The following SND1 variants were observed in gnomAD, a reference collection of about 807,000 sequenced individuals.
SND1 encodes staphylococcal nuclease domain-containing protein 1.
A neutral mutation model predicts 121.7 loss-of-function variants in SND1; 38 were observed. The observed-to-expected ratio is 0.31, with a 90% CI of 0.24 to 0.41. The LOEUF (loss-of-function observed/expected upper bound fraction) is 0.41, where lower values mean the gene tolerates loss of function less well. SND1 is among the 10% of genes least tolerant of loss of function. The probability of loss-of-function intolerance (pLI) is 1.00; values close to 1 mark genes in which losing one functional copy is unlikely to be tolerated. For synonymous variants in SND1, 401 were observed against 447.4 expected (o/e 0.90, Z 1.31); for missense variants, 868 against 1,184.6 (o/e 0.73, Z 3.92).
intron 10 of SND1, among the ~76,000 whole-genome samples, chr7:127,759,994 C>T (rs1005664532): frequency 6.6e-6 from 1 of 152,188 alleles, no homozygotes; most frequent in Non-Finnish European, 1.5e-5. Context: ...AGGTGGGCAA[C>T]CTGCTCGACA....
At chr7:127,680,437 C>T (rs550840190) in intron 1 of SND1, among the ~76,000 whole-genome samples, 88 of 152,172 alleles carry the variant, frequency 5.8e-4, no homozygotes, top group Middle Eastern at 3.4e-3. Flanking sequence ...CCTACAGTCT[C>T]GACCGTAGAA....
intron 11 of SND1, among the ~76,000 whole-genome samples, chr7:127,816,222 T>C (rs112156758): frequency 5.5e-4 from 84 of 152,220 alleles, no homozygotes; most frequent in Admixed American, 1.3e-3. Flanking sequence ...TTTTGAAATA[T>C]GACACACCCT....
chr7:127,769,884 G>A (rs750699580), intron 10 of SND1, among the ~76,000 whole-genome samples: 4 of 152,156 alleles, frequency 2.6e-5, no homozygotes, highest in Admixed American at 1.3e-4. Flanking sequence ...AACTCTCAGC[G>A]TGTAATGAAT....
intron 12 of SND1, among the ~76,000 whole-genome samples, chr7:127,857,342 G>A (rs1271259506): frequency 1.0e-4 from 14 of 140,528 alleles, no homozygotes; most frequent in Non-Finnish European, 1.7e-4. Flanking sequence ...ACAGGCGCCC[G>A]CCACCGCCCC....
intron 15 of SND1, among the ~76,000 whole-genome samples, chr7:127,943,326 T>A (rs867684147): frequency 9.2e-5 from 14 of 152,184 alleles, no homozygotes; most frequent in South Asian, 2.1e-4. Context: ...CTCACCTCAA[T>A]CTTCACATTA....
rs1793673699 is a variant in SND1 at position 128,085,483 on chromosome 7, T to C, written c.2235-228T>C. Among the ~76,000 whole-genome samples the C allele has an allele frequency of 6.6e-6, 1 of 152,196 alleles. No homozygotes were observed. Among genetic ancestry groups the C allele is most frequent in the African/African-American group, 2.4e-5 (1 of 41,444 alleles). On this transcript the variant is annotated intron_variant, in intron 19 of 23. Coordinates refer to ENST00000354725, the MANE Select transcript of SND1 (RefSeq NM_014390.4). This position sits in a 1 kb window ranked among gnomAD's most constrained non-coding sequence, Gnocchi z 4.4. ...ATGCCCCAAGGACACATTAATCTGC[T>C]CCACATGCTCCTTTCTCCCTCTTCT...
intron 12 of SND1, among the ~76,000 whole-genome samples, chr7:127,861,368 T>C (rs1399401126): frequency 6.6e-6 from 1 of 152,246 alleles, no homozygotes; most frequent in Non-Finnish European, 1.5e-5. Context: ...CTATTTTCTA[T>C]ACCTCATCTT....
At chr7:127,683,239 AG>A (rs1795757854) in intron 1 of SND1, among the ~76,000 whole-genome samples, 1 of 152,034 alleles carries the variant, frequency 6.6e-6, no homozygotes, top group Non-Finnish European at 1.5e-5. Flanking sequence ...TTTTTGAGAG[AG>A]AGTCTTGCTC....
chr7:127,831,943 G>A (rs1798749079), intron 11 of SND1, among the ~76,000 whole-genome samples: 1 of 152,126 alleles, frequency 6.6e-6, no homozygotes, highest in Admixed American at 6.5e-5. Context: ...TGCCAAGTAT[G>A]TTCCTCTGGA....
intron 10 of SND1, among the ~76,000 whole-genome samples, chr7:127,725,003 T>TAAAAGAA (rs1295733888): frequency 1.3e-5 from 2 of 151,618 alleles, no homozygotes; most frequent in Non-Finnish European, 2.9e-5. Context: ...CTGAGATTAC[T>TAAAAGAA]AAAAGAAAAA....
intron 10 of SND1, among the ~76,000 whole-genome samples, chr7:127,767,154 C>G (rs568600878): frequency 3.7e-4 from 57 of 152,242 alleles, no homozygotes; most frequent in African/African-American, 1.3e-3. Context: ...GATGGCATTC[C>G]TTTATCTTTG....
At chr7:128,011,047 A>G (rs1308351779) in intron 16 of SND1, among the ~76,000 whole-genome samples, 1 of 152,064 alleles carries the variant, frequency 6.6e-6, no homozygotes, top group African/African-American at 2.4e-5. Context: ...AAAATTGAAG[A>G]CTGTGGTACT....
chr7:127,760,932 G>A (rs972987288), intron 10 of SND1, among the ~76,000 whole-genome samples: 1 of 152,158 alleles, frequency 6.6e-6, no homozygotes, highest in Non-Finnish European at 1.5e-5. Context: ...TATTCTCAAC[G>A]AAATTCTAGA....
At chr7:128,050,365 G>A (rs992619984) in intron 16 of SND1, among the ~76,000 whole-genome samples, 27 of 152,218 alleles carry the variant, frequency 1.8e-4, no homozygotes, top group Admixed American at 8.5e-4. Flanking sequence ...ATACCTCATT[G>A]TTCTTCTCCT....
At chr7:127,928,352 G>A (rs966429586) in intron 14 of SND1, among the ~76,000 whole-genome samples, 2 of 152,080 alleles carry the variant, frequency 1.3e-5, no homozygotes, top group Non-Finnish European at 2.9e-5. Flanking sequence ...TGAACATAGA[G>A]CAGGAGTTGC....
intron 1 of SND1, among the ~76,000 whole-genome samples, chr7:127,673,307 ATATCT>A (rs897580613): frequency 7.9e-5 from 12 of 151,334 alleles, no homozygotes; most frequent in African/African-American, 2.2e-4. Context: ...GATTGTACAA[ATATCT>A]TATTTATTTA....
chr7:128,057,610 A>G (rs1443754189), intron 16 of SND1, among the ~76,000 whole-genome samples: 1 of 152,156 alleles, frequency 6.6e-6, no homozygotes, highest in Non-Finnish European at 1.5e-5. Flanking sequence ...AAGCCAAAAC[A>G]CAGGAAGAAA....
At chr7:127,958,598 T>C (rs1801655891) in intron 15 of SND1, among the ~76,000 whole-genome samples, 1 of 152,186 alleles carries the variant, frequency 6.6e-6, no homozygotes, top group Non-Finnish European at 1.5e-5. Flanking sequence ...TGTGTGAAGG[T>C]ATGTGAAACC....
rs897260235 is a variant in SND1 at position 128,085,537 on chromosome 7, G to A, written c.2235-174G>A. On this transcript the variant is annotated intron_variant, in intron 19 of 23. Transcript: ENST00000354725. The surrounding 1 kb of genome is among the most constrained non-coding windows in gnomAD (Gnocchi z 4.4). ...CCCAGCTATGCTCTGATTCCATTAG[G>A]TGGTGACCACAGTGGCCGAGGCTGG... Among the ~76,000 whole-genome samples the A allele has an allele frequency of 6.6e-6, 1 of 152,040 alleles. No individual in the cohort carries two copies. Among genetic ancestry groups the A allele is most frequent in the African/African-American group, 2.4e-5 (1 of 41,384 alleles).
Sources: allele counts gnomAD v4.1 joint callset (sites outside exome capture counted in the v4.1 genomes callset), GRCh38; gene constraint gnomAD v4.1.1; non-coding constraint Gnocchi (gnomAD v3.1); transcripts MANE v1.5; gene names NCBI Gene and HGNC (gene_info 2026-07-23, HGNC 2026-07-21).